Variants in CNNM1 observed in about 807,000 individuals in gnomAD.
The protein encoded by CNNM1 is metal transporter CNNM1.
A neutral mutation model predicts 78.8 loss-of-function variants in CNNM1; 44 were observed. The ratio of observed to expected loss-of-function variants is 0.56; its 90% confidence interval spans 0.44 to 0.72. The LOEUF (loss-of-function observed/expected upper bound fraction) is 0.72. Among genes scored for constraint, CNNM1 ranks in the 30% least tolerant of loss-of-function variants. The pLI is 0.00. For missense variants in CNNM1, 1,101 were observed against 1,292.2 expected (o/e 0.85, Z 2.27); for synonymous variants, 584 against 581.5 (o/e 1.00, Z -0.06).
At chr10:99,356,731 A>G (rs933006233) in intron 1 of CNNM1, among the ~76,000 whole-genome samples, 1 of 152,158 alleles carries the variant, frequency 6.6e-6, no homozygotes, top group Non-Finnish European at 1.5e-5. Flanking sequence ...TTCCAAGACC[A>G]CTTCTTCTGC....
At chr10:99,333,877 T>C (rs1053549883) in intron 1 of CNNM1, among the ~76,000 whole-genome samples, 1 of 152,156 alleles carries the variant, frequency 6.6e-6, no homozygotes, top group African/African-American at 2.4e-5. Flanking sequence ...CTAAACCTGG[T>C]CGAAAAAAGC....
intron 2 of CNNM1, among the ~76,000 whole-genome samples, chr10:99,360,474 A>T (rs2031391010): frequency 6.6e-6 from 1 of 152,204 alleles, no homozygotes. Flanking sequence ...GCACAAGATG[A>T]GTATGAGAGC....
At chr10:99,357,797 G>T in intron 2 of CNNM1, 142 bp downstream of exon 2, 1 of 696,802 alleles carries the variant, frequency 1.4e-6, no homozygotes, top group Non-Finnish European at 2.1e-6. Flanking sequence ...GCCAGGTGCT[G>T]CTGTGGCAAG....
chr10:99,382,218 C>T (rs1346256871), intron 7 of CNNM1, among the ~76,000 whole-genome samples: 4 of 152,096 alleles, frequency 2.6e-5, no homozygotes, highest in Non-Finnish European at 5.9e-5. Flanking sequence ...AAAGGTGCAT[C>T]TAATAGTTAT....
intron 7 of CNNM1, among the ~76,000 whole-genome samples, chr10:99,384,924 C>T (rs988098395): frequency 2.6e-5 from 4 of 152,024 alleles, no homozygotes; most frequent in African/African-American, 2.4e-5. Flanking sequence ...AAAAAATAAG[C>T]TGGGCGTCGT....
rs760070243 is a variant in CNNM1, at chr10:99,330,965, G to A, written c.1573+5G>A. 2.5e-5 allele frequency: 40 copies of A among 1,603,334 alleles called. No individual in the cohort carries two copies. On this transcript the variant is annotated splice_donor_5th_base_variant and intron_variant, in intron 1 of 10. Coordinates refer to ENST00000356713, the MANE Select transcript of CNNM1 (RefSeq NM_020348.3). ...TTCTGGAGGAGTTTAAGAAGGGTGA[G>A]CAGTAGTCTATCTTCTCCCCCAACT... is the stretch of plus-strand genomic sequence containing the variant.
At position 99,362,334 on chromosome 10, in the gene CNNM1, G is replaced by T. The variant is rs1422735329; in HGVS notation, c.1966G>T (p.Ala656Ser). 2.5e-6 allele frequency: 4 copies of T among 1,613,992 alleles called. No individual in the cohort carries two copies. Among genetic ancestry groups the T allele is most frequent in the East Asian group, 2.2e-5 (1 of 44,882 alleles). ...GAAGTTTGATGAGAAGAACAAGAAG[G>T]CCCCGGAACACTACCTCTACCAGCG... is the stretch of plus-strand genomic sequence containing the variant. ...ELKFDEKNKK[A>S]PEHYLYQRNR... Residue 656 changes from alanine to serine, a missense_variant, in exon 4 of 11, where the codon GCC becomes TCC. By Grantham distance (99) the Ala-to-Ser change is moderately conservative. Transcript: ENST00000356713.
chr10:99,347,981 C>T (rs1292935272), intron 1 of CNNM1, among the ~76,000 whole-genome samples: 1 of 151,694 alleles, frequency 6.6e-6, no homozygotes, highest in Non-Finnish European at 1.5e-5. Flanking sequence ...CTTCGCTTTC[C>T]CCTTAGCAGT....
chr10:99,329,786 C>T lies in CNNM1; in HGVS notation c.399C>T (p.Cys133=). ...CTCGCCCCCCGGGACCGCAGCGCTG[C>T]AGGGAGCAGAGCGACTGGGCATCGG... is the stretch of plus-strand genomic sequence containing the variant. ...VPTRPPGPQR[C]REQSDWASDV... Residue 133 remains cysteine (C), a synonymous_variant, in exon 1 of 11, where the codon TGC becomes TGT. Transcript: ENST00000356713. 1.3e-6 allele frequency: 2 copies of T among 1,488,216 alleles called. No homozygotes were observed. The highest frequency in any genetic ancestry group is 5.5e-5 in the East Asian group (2 of 36,334). The allele number at this position is 1,488,216 out of a possible 1,614,324, so 92.2% of individuals were successfully genotyped here.
chr10:99,362,285 A>G lies in CNNM1; in HGVS notation c.1917A>G (p.Lys639=). ...LSEKILLRLL[K]HPNVIQELKF... is the part of the protein sequence containing the mutation. ...AGAAGATCCTGCTCCGGCTCCTGAA[A>G]CATCCCAACGTGATCCAGGAGCTGA... The change falls in exon 4 of 11, where the codon AAA becomes AAG. Residue 639 remains lysine, a synonymous_variant. Coordinates refer to ENST00000356713, the MANE Select transcript of CNNM1 (RefSeq NM_020348.3). 6.2e-7 allele frequency: 1 copy of G among 1,613,962 alleles called. No homozygotes were observed.
intron 1 of CNNM1, among the ~76,000 whole-genome samples, chr10:99,356,482 AAGAAAG>A (rs1358458157): frequency 1.6e-5 from 1 of 60,676 alleles, no homozygotes; most frequent in African/African-American, 7.8e-5. Context: ...CTCAGAAAGA[AAGAAAG>A]AGAGAGAGAG....
Position 99,365,003 on chromosome 10 carries a change from G to T in CNNM1, c.2176+1G>T, listed in dbSNP as rs376631525. The stretch of plus-strand genomic sequence containing the variant: ...AGTCTGGCTGGATCTTCTGTCTTTC[G>T]TATGTATCTCTCAAACCCCTTCCTC... On this transcript the variant is annotated splice_donor_variant, in intron 6 of 10. Transcript: ENST00000356713. LOFTEE classifies it high-confidence loss of function. The T allele has an allele frequency of 5.0e-6, 8 of 1,613,836 alleles. No individual in the cohort carries two copies. In the Admixed American group the frequency reaches 8.3e-5, roughly 17 times the overall value.
chr10:99,332,844 A>C (rs1043704080), intron 1 of CNNM1, among the ~76,000 whole-genome samples: 5 of 152,178 alleles, frequency 3.3e-5, no homozygotes, highest in African/African-American at 1.2e-4. Context: ...TGTTCAGTCC[A>C]TCTCGCCTTA....
chr10:99,376,736 C>G (rs996088032), intron 6 of CNNM1, among the ~76,000 whole-genome samples: 1 of 152,190 alleles, frequency 6.6e-6, no homozygotes, highest in African/African-American at 2.4e-5. Context: ...CCCGTCCCCC[C>G]TGTCTGGGGA....
intron 2 of CNNM1, 62 bp from the exon 3 acceptor site, chr10:99,360,773 A>G (rs2031401611): frequency 6.6e-7 from 1 of 1,524,694 alleles, no homozygotes; most frequent in Non-Finnish European, 8.8e-7. Context: ...TGATTCTGGG[A>G]AAACCTCCAA....
intron 1 of CNNM1, among the ~76,000 whole-genome samples, chr10:99,345,440 G>C (rs1030964982): frequency 3.9e-5 from 6 of 152,166 alleles, no homozygotes; most frequent in African/African-American, 1.2e-4. Flanking sequence ...TCTTCTCCCA[G>C]GGACTAGCCT....
chr10:99,371,731 G>A (rs954393021), intron 6 of CNNM1, among the ~76,000 whole-genome samples: 1 of 152,162 alleles, frequency 6.6e-6, no homozygotes, highest in Admixed American at 6.5e-5. Context: ...TGGGCTTAGA[G>A]TTCACATCGT....
rs933446502 is a variant in CNNM1, at chr10:99,330,383, C to G, written c.996C>G (p.Thr332=). 1 of 1,595,762 alleles carries G rather than the reference C, an allele frequency of 6.3e-7. No individual in the cohort carries two copies. Among genetic ancestry groups the G allele is most frequent in the Non-Finnish European group, 8.5e-7 (1 of 1,172,370 alleles). Residue 332 remains threonine (T), a synonymous_variant, in exon 1 of 11, where the codon ACC becomes ACG. Coordinates refer to ENST00000356713, the MANE Select transcript of CNNM1 (RefSeq NM_020348.3). ...HFPWLPALVC[T]GAVFLGAEIC... ...CGTGGCTGCCGGCGCTCGTGTGCAC[C>G]GGCGCGGTATTCCTGGGCGCCGAAA...
chr10:99,364,932 C>T lies in CNNM1; in HGVS notation c.2129-23C>T, dbSNP rs766961565. On this transcript the variant is annotated intron_variant, in intron 5 of 10. Transcript: ENST00000356713. Reference sequence around the variant, plus strand: ...GTGTTTTCTGAGTTGCCTCTGAAACCCACTGCATGCTTCTGTCCTTAGATA... The same window carrying T: ...GTGTTTTCTGAGTTGCCTCTGAAACTCACTGCATGCTTCTGTCCTTAGATA... The T allele has an allele frequency of 2.5e-6, 4 of 1,609,624 alleles. No individual in the cohort carries two copies. The East Asian group carries it at 6.7e-5, about 27-fold the overall frequency.
Sources: gnomAD v4.1 joint callset for allele counts (sites outside exome capture counted in the v4.1 genomes callset) on GRCh38, gnomAD v4.1.1 for gene constraint, MANE v1.5 for transcripts, NCBI Gene and HGNC (gene_info 2026-07-23, HGNC 2026-07-21) for gene names.